Variants in MFSD12 observed in about 807,000 individuals in gnomAD.
The protein encoded by MFSD12 is major facilitator superfamily domain containing 12, also known as major facilitator superfamily domain-containing protein 12.
Under a neutral mutation model 51.2 loss-of-function variants are expected in MFSD12, and 67 were observed. That is an observed-to-expected ratio of 1.31 (90% CI 1.08 to 1.60). The LOEUF (loss-of-function observed/expected upper bound fraction) is 1.60, where lower values mean the gene tolerates loss of function less well. MFSD12 is among the 40% of genes most tolerant of loss of function. The pLI is 0.00. For synonymous variants in MFSD12, 441 were observed against 316.7 expected (o/e 1.39, Z -4.17); for missense variants, 921 against 673.0 (o/e 1.37, Z -4.08).
chr19:3,544,076 G>C, downstream of MFSD12: 1 of 1,458,912 alleles, frequency 6.9e-7, no homozygotes, highest in Admixed American at 2.5e-5. Context: ...CCTAGTCCCA[G>C]GGGACCAGAG....
At position 3,547,332 on chromosome 19, in the gene MFSD12, G is replaced by A. The variant is rs1187032925; in HGVS notation, c.963C>T (p.Tyr321=). 3.1e-6 allele frequency: 5 copies of A among 1,613,384 alleles called. No homozygotes were observed. The highest frequency in any genetic ancestry group is 1.6e-4 in the Middle Eastern group (1 of 6,062). ...GGAAGGAGGACAAGAAGCCGCTGAG[G>A]TACATCACCAGGGGAATGGTCGCGA... The part of the protein sequence containing the change: ...KFIATIPLVM[Y]LSGFLSSFLM... The change falls in exon 6 of 10, where the codon TAC becomes TAT. Residue 321 remains tyrosine (Y), a synonymous_variant. Coordinates refer to ENST00000355415, the MANE Select transcript of MFSD12 (RefSeq NM_174983.5).
chr19:3,550,582 G>A (rs772207355), intron 2 of MFSD12, among the ~76,000 whole-genome samples: 1 of 152,038 alleles, frequency 6.6e-6, no homozygotes, highest in East Asian at 1.9e-4. Context: ...TAGTAGAGAC[G>A]AGGTTTCACG....
In MFSD12 at chr19:3,544,565, A is replaced by G. The variant is rs948915039; in HGVS notation, c.*145T>C. 1.4e-6 allele frequency: 2 copies of G among 1,447,138 alleles called. No homozygotes were observed. The highest frequency in any genetic ancestry group is 1.8e-6 in the Non-Finnish European group (2 of 1,104,508). The allele number at this position is 1,447,138 out of a possible 1,614,324, so 89.6% of individuals were successfully genotyped here. Reference sequence around the variant, plus strand: ...CGGGCATCCCTGCTGCCCTCACCCGACCCCACCCCCGGGAGCTGGGTGAGG... The same window carrying G: ...CGGGCATCCCTGCTGCCCTCACCCGGCCCCACCCCCGGGAGCTGGGTGAGG... On this transcript the variant is annotated 3_prime_UTR_variant, in exon 10 of 10. Transcript: ENST00000355415.
intron 8 of MFSD12, 76 bp from the exon 9 acceptor site, chr19:3,545,015 C>T (rs1391861171): frequency 6.6e-6 from 10 of 1,506,742 alleles, no homozygotes; most frequent in African/African-American, 5.5e-5. Flanking sequence ...CTGTGCCTCC[C>T]CTCACCCCCG....
chr19:3,544,773 C>T (rs374174817), intron 9 of MFSD12, 36 bp downstream of exon 9: 24 of 1,566,974 alleles, frequency 1.5e-5, no homozygotes, highest in Non-Finnish European at 2.0e-5. Context: ...GAGTGTGGGT[C>T]AGTGTCTGGG....
chr19:3,548,675 GCA>G (rs2031272487), intron 2 of MFSD12, among the ~76,000 whole-genome samples: 2 of 148,852 alleles, frequency 1.3e-5, no homozygotes. Context: ...GCCCGGCCAG[GCA>G]CAGAGTCCCC....
In MFSD12 at chr19:3,548,007, A is replaced by G; in HGVS notation, c.678T>C (p.Gly226=). The change falls in exon 4 of 10, where the codon GGT becomes GGC. Residue 226 remains glycine (G), a synonymous_variant. Coordinates refer to ENST00000355415, the MANE Select transcript of MFSD12 (RefSeq NM_174983.5). ...ATAGCAGTGAGAACACGGCGCCGACACCCACCACCAGCAGGGACAGGTTCT... is the reference window on the plus strand; with the variant it reads ...ATAGCAGTGAGAACACGGCGCCGACGCCCACCACCAGCAGGGACAGGTTCT... ...VFRNLSLLVV[G]VGAVFSLLFH... 2 of 1,598,800 alleles carry G rather than the reference A, an allele frequency of 1.3e-6. No individual in the cohort carries two copies. Among genetic ancestry groups the G allele is most frequent in the Non-Finnish European group, 1.7e-6 (2 of 1,179,306 alleles).
downstream of MFSD12, chr19:3,544,173 C>A (rs1389417266): frequency 1.5e-6 from 2 of 1,372,324 alleles, no homozygotes; most frequent in East Asian, 5.6e-5. Flanking sequence ...GCCCAGAGCC[C>A]CCCCGCAGGC....
At position 3,552,131 on chromosome 19, in the gene MFSD12, T is replaced by C. The variant is rs1246961002; in HGVS notation, c.299-937A>G. 2.6e-5 allele frequency among the ~76,000 whole-genome samples: 4 copies of C among 152,120 alleles called. No individual in the cohort carries two copies. In the East Asian group the frequency reaches 7.7e-4, roughly 29 times the overall value. On this transcript the variant is annotated intron_variant, in intron 1 of 9. Transcript: ENST00000355415. ...TGCAGACAGCAGCCTCCAAGGGGCC[T>C]GGGGAGACCCAGCATGGAACTCGGG... is the stretch of plus-strand genomic sequence containing the variant.
Position 3,547,867 on chromosome 19 carries a change from C to T in MFSD12, c.818G>A (p.Arg273Gln), listed in dbSNP as rs760081271. Residue 273 changes from arginine (R) to glutamine (Q), a missense_variant, in exon 4 of 10, where the codon CGG becomes CAG. Arg to Gln is a conservative substitution (Grantham distance 43). Coordinates refer to ENST00000355415, the MANE Select transcript of MFSD12 (RefSeq NM_174983.5). ...QPLLLWKHWL[R>Q]EPAFYQVGIL... is the part of the protein sequence containing the mutation. ...ACGCACCTGGTAGAAAGCCGGCTCCCGGAGCCAGTGCTTCCAGAGCAGCAG... is the reference window on the plus strand; with the variant it reads ...ACGCACCTGGTAGAAAGCCGGCTCCTGGAGCCAGTGCTTCCAGAGCAGCAG... The T allele has an allele frequency of 7.2e-5, 109 of 1,521,844 alleles. No homozygotes were observed. The highest frequency in any genetic ancestry group is 1.8e-4 in the Middle Eastern group (1 of 5,628). 94.3% of individuals were successfully genotyped at this position (1,521,844 alleles called of 1,614,324 possible).
chr19:3,552,292 C>T (rs565806577), intron 1 of MFSD12, among the ~76,000 whole-genome samples: 3 of 151,662 alleles, frequency 2.0e-5, no homozygotes, highest in Non-Finnish European at 2.9e-5. Context: ...CTCAGCCTCC[C>T]GAGTAGCTGG....
At chr19:3,542,927 A>AGT (rs1461032749), downstream of MFSD12, 3 of 1,458,202 alleles carry the variant, frequency 2.1e-6, no homozygotes, top group Non-Finnish European at 2.8e-6. Context: ...GGAATCCAGG[A>AGT]GTAGCCAGGG....
chr19:3,541,875 C>G, downstream of MFSD12: 1 of 841,230 alleles, frequency 1.2e-6, no homozygotes, highest in Non-Finnish European at 1.4e-6. Flanking sequence ...GTGACGCAAT[C>G]TCGGCTCACT....
chr19:3,538,375 ATC>A (rs1349316197), exon 5 of MFSD12: 2 of 242,682 alleles, frequency 8.2e-6, no homozygotes, highest in African/African-American at 4.6e-5. Context: ...CAGCCATCCC[ATC>A]TGATTCCAGA....
chr19:3,549,497 G>A (rs950135791), intron 2 of MFSD12, among the ~76,000 whole-genome samples: 2 of 152,156 alleles, frequency 1.3e-5, no homozygotes, highest in African/African-American at 2.4e-5. Flanking sequence ...GCTGAGGCAG[G>A]CAGATCACTG....
rs777762167 is a variant in MFSD12 at position 3,546,356 on chromosome 19, C to A, written c.1093G>T (p.Gly365Cys). Reference protein sequence around the residue: ...AAWVALAEGLGVAVYAAAVLL... With the variant: ...AAWVALAEGLCVAVYAAAVLL... ...ACAGCCGCTGCGTACACGGCCACAC[C>A]CAGTCCCTCCGCCAGCGCCACCCAG... The change falls in exon 7 of 10, where the codon GGT becomes TGT. Residue 365 changes from glycine (G) to cysteine (C), a missense_variant. Gly to Cys is a radical substitution (Grantham distance 159). Coordinates refer to ENST00000355415, the MANE Select transcript of MFSD12 (RefSeq NM_174983.5). 6 of 1,607,688 alleles carry A rather than the reference C, an allele frequency of 3.7e-6. No individual in the cohort carries two copies. Among genetic ancestry groups the A allele is most frequent in the Middle Eastern group, 1.7e-4 (1 of 6,050 alleles).
chr19:3,551,557 C>G lies in MFSD12; in HGVS notation c.299-363G>C, dbSNP rs1422792452. Among the ~76,000 whole-genome samples, 1 of 152,142 alleles carries G rather than the reference C, an allele frequency of 6.6e-6. No individual in the cohort carries two copies. Among genetic ancestry groups the G allele is most frequent in the African/African-American group, 2.4e-5 (1 of 41,436 alleles). On this transcript the variant is annotated intron_variant, in intron 1 of 9. Transcript: ENST00000355415. This position sits in a 1 kb window ranked among gnomAD's most constrained non-coding sequence, Gnocchi z 4.6. ...ATAGGGCCTCGGGGAGCGGGAGGCC[C>G]AGGTGGGCCTGGGCTGGACCCCTCC...
In MFSD12 at chr19:3,557,426, C is replaced by T; in HGVS notation, c.-23G>A. On this transcript the variant is annotated 5_prime_UTR_variant, in exon 1 of 10. Transcript: ENST00000355415. ...CATCGCGGCGCCGGGCCCGCGCCCC[C>T]CACCCCCGGGCTCCGCGGAGGGTAC... The T allele has an allele frequency of 8.3e-7, 1 of 1,207,404 alleles. No individual in the cohort carries two copies. The highest frequency in any genetic ancestry group is 1.0e-6 in the Non-Finnish European group (1 of 967,422). 74.8% of individuals were successfully genotyped at this position (1,207,404 alleles called of 1,614,324 possible).
downstream of MFSD12, chr19:3,542,085 C>G: frequency 1.0e-6 from 1 of 980,020 alleles, no homozygotes; most frequent in Non-Finnish European, 1.2e-6. Context: ...GCTGGGATTA[C>G]AGGCATGAGC....
Sources: gnomAD v4.1 joint callset for allele counts (sites outside exome capture counted in the v4.1 genomes callset) on GRCh38, gnomAD v4.1.1 for gene constraint, Gnocchi (gnomAD v3.1) non-coding constraint, MANE v1.5 for transcripts, NCBI Gene and HGNC (gene_info 2026-07-23, HGNC 2026-07-21) for gene names.